Variants in SMYD3 observed in about 807,000 individuals in gnomAD.
SMYD3 encodes SET and MYND domain containing 3, also known as histone-lysine N-methyltransferase SMYD3.
In SMYD3, 36 loss-of-function variants were observed where a neutral mutation model predicts 57.7. The observed-to-expected ratio is 0.62, with a 90% confidence interval of 0.48 to 0.82. The LOEUF (loss-of-function observed/expected upper bound fraction) is 0.82. Among genes scored for constraint, SMYD3 ranks in the 40% least tolerant of loss-of-function variants. The probability of loss-of-function intolerance (pLI) is 0.00; values close to 1 mark genes in which losing one functional copy is unlikely to be tolerated. For synonymous variants in SMYD3, 211 were observed against 195.0 expected (o/e 1.08, Z -0.68); for missense variants, 515 against 538.8 (o/e 0.96, Z 0.44).
intron 5 of SMYD3, among the ~76,000 whole-genome samples, chr1:246,305,723 T>C (rs558066989): frequency 4.3e-4 from 65 of 152,330 alleles, no homozygotes; most frequent in African/African-American, 1.3e-3. Context: ...AAATCTAACA[T>C]GAAGGAATAA....
At chr1:245,878,609 G>C (rs1272572348) in intron 8 of SMYD3, among the ~76,000 whole-genome samples, 2 of 152,216 alleles carry the variant, frequency 1.3e-5, no homozygotes, top group African/African-American at 4.8e-5. Context: ...TAGGAGGATG[G>C]AGCAGTAGTG....
intron 5 of SMYD3, among the ~76,000 whole-genome samples, chr1:246,269,169 G>C (rs1218017597): frequency 1.3e-5 from 2 of 152,088 alleles, no homozygotes; most frequent in African/African-American, 2.4e-5. Context: ...ACTACATGAA[G>C]CCTCCCAGTT....
At chr1:246,327,462 A>G in intron 4 of SMYD3, 125 bp from the exon 5 acceptor site, 1 of 814,868 alleles carries the variant, frequency 1.2e-6, no homozygotes, top group East Asian at 2.7e-5. Context: ...GACAAAGAGC[A>G]AATACATATT....
At chr1:246,284,440 G>A (rs1413666537) in intron 5 of SMYD3, among the ~76,000 whole-genome samples, 5 of 148,544 alleles carry the variant, frequency 3.4e-5, no homozygotes, top group Non-Finnish European at 7.4e-5. Flanking sequence ...TTTTTGAGAC[G>A]GAGTCTCACT....
At chr1:245,876,781 CCAAA>C (rs1171857613) in intron 8 of SMYD3, among the ~76,000 whole-genome samples, 2 of 152,166 alleles carry the variant, frequency 1.3e-5, no homozygotes, top group Non-Finnish European at 2.9e-5. Flanking sequence ...GTTGAAACGG[CCAAA>C]CAAATGTATC....
chr1:246,152,889 C>T (rs2061964347), intron 5 of SMYD3, among the ~76,000 whole-genome samples: 1 of 152,150 alleles, frequency 6.6e-6, no homozygotes, highest in Non-Finnish European at 1.5e-5. Context: ...TGTTACTACA[C>T]AGTAAGGTGC....
chr1:246,321,277 T>A (rs1379029984), intron 5 of SMYD3, among the ~76,000 whole-genome samples: 4 of 152,090 alleles, frequency 2.6e-5, no homozygotes, highest in Non-Finnish European at 5.9e-5. Context: ...AGTTCTATAA[T>A]CCAATAAAAA....
intron 5 of SMYD3, chr1:246,305,867 T>C (rs574103893): frequency 6.6e-6 from 1 of 152,356 alleles, no homozygotes; most frequent in East Asian, 1.9e-4. Flanking sequence ...TTGCTCTTGA[T>C]GTCTAATGGC....
chr1:246,326,531 T>G (rs912994031), intron 5 of SMYD3: 1 of 500,972 alleles, frequency 2.0e-6, no homozygotes, highest in Non-Finnish European at 3.5e-6. Context: ...CCCAGCACTT[T>G]GGGAGGCCGA....
At chr1:245,922,026 A>T (rs1022370544) in intron 7 of SMYD3, among the ~76,000 whole-genome samples, 1 of 152,200 alleles carries the variant, frequency 6.6e-6, no homozygotes, top group East Asian at 1.9e-4. Flanking sequence ...TTAGGTTACT[A>T]AATATTCTTT....
At chr1:246,252,416 A>G in intron 5 of SMYD3, among the ~76,000 whole-genome samples, 1 of 152,230 alleles carries the variant, frequency 6.6e-6, no homozygotes, top group Non-Finnish European at 1.5e-5. Flanking sequence ...CATTTGACAG[A>G]TAAAAACACT....
intron 6 of SMYD3, 46 bp from the exon 7 acceptor site, chr1:245,928,079 G>C (rs903476512): frequency 6.6e-6 from 10 of 1,517,796 alleles, no homozygotes; most frequent in South Asian, 4.5e-5. Flanking sequence ...AGCAGGTAGA[G>C]TCAACTAAAT....
intron 5 of SMYD3, among the ~76,000 whole-genome samples, chr1:246,259,926 C>T (rs180893281): frequency 2.1e-4 from 32 of 152,318 alleles, no homozygotes; most frequent in Admixed American, 3.9e-4. Context: ...ATGGGGGATG[C>T]CCTAAACTCC....
intron 7 of SMYD3, among the ~76,000 whole-genome samples, chr1:245,927,303 G>A (rs2056438304): frequency 6.6e-6 from 1 of 152,140 alleles, no homozygotes; most frequent in South Asian, 2.1e-4. Context: ...GAGGCTGGCT[G>A]GACAGTCTGT....
At chr1:246,270,926 C>G (rs990052036) in intron 5 of SMYD3, among the ~76,000 whole-genome samples, 1 of 152,194 alleles carries the variant, frequency 6.6e-6, no homozygotes, top group African/African-American at 2.4e-5. Context: ...CAGTTTTACA[C>G]GTCCACGCAG....
intron 5 of SMYD3, among the ~76,000 whole-genome samples, chr1:246,017,847 AT>A (rs933686642): frequency 6.6e-6 from 1 of 152,160 alleles, no homozygotes; most frequent in Admixed American, 6.5e-5. Flanking sequence ...GTTATAACCT[AT>A]TACTACCGTT....
intron 5 of SMYD3, among the ~76,000 whole-genome samples, chr1:246,304,723 G>C (rs997190951): frequency 6.6e-6 from 1 of 152,134 alleles, no homozygotes; most frequent in South Asian, 2.1e-4. Flanking sequence ...CCTAATCGCT[G>C]TACAACTCTT....
intron 8 of SMYD3, among the ~76,000 whole-genome samples, chr1:245,903,910 T>C (rs2054368900): frequency 6.6e-6 from 1 of 152,224 alleles, no homozygotes; most frequent in Non-Finnish European, 1.5e-5. Flanking sequence ...GAGGGGCTGC[T>C]GTGAAAGTCT....
At chr1:246,357,546 A>G (rs952289340) in intron 1 of SMYD3, among the ~76,000 whole-genome samples, 2 of 152,160 alleles carry the variant, frequency 1.3e-5, no homozygotes, top group Non-Finnish European at 2.9e-5. Context: ...TTACTTTCCT[A>G]ATAAACTTGC....
Sources: allele counts gnomAD v4.1 joint callset (sites outside exome capture counted in the v4.1 genomes callset), GRCh38; gene constraint gnomAD v4.1.1; transcripts MANE v1.5; gene names NCBI Gene and HGNC (gene_info 2026-07-23, HGNC 2026-07-21).